KIAA0753: variants seen among roughly 807,000 people sequenced by gnomAD.
The protein encoded by KIAA0753 is KIAA0753, also known as protein moonraker.
In KIAA0753, 114 loss-of-function variants were observed where a neutral mutation model predicts 116.9. The observed-to-expected ratio is 0.98, with a 90% confidence interval of 0.84 to 1.14. The LOEUF (loss-of-function observed/expected upper bound fraction) is 1.14, where lower values mean the gene tolerates loss of function less well. KIAA0753 is among the 50% of genes most tolerant of loss of function. The pLI, the probability that KIAA0753 is intolerant of heterozygous loss-of-function variation, is 0.00. For synonymous variants in KIAA0753, 405 were observed against 413.1 expected (o/e 0.98, Z 0.24); for missense variants, 1,156 against 1,172.4 (o/e 0.99, Z 0.20).
At chr17:6,621,508 G>T (rs896197194) in intron 6 of KIAA0753, among the ~76,000 whole-genome samples, 1 of 152,256 alleles carries the variant, frequency 6.6e-6, no homozygotes, top group South Asian at 2.1e-4. Flanking sequence ...ATCCATTACT[G>T]GGAAGTCAGG....
Position 6,606,859 on chromosome 17 carries a change from A to G in KIAA0753, c.2009+14T>C. ...GCAAACATCCACTATTCTTCCTAAG[A>G]AGCAAACACATACCTCAATTGTTGG... On this transcript the variant is annotated intron_variant, in intron 12 of 18. Transcript: ENST00000361413. 1 of 1,608,700 alleles carries G rather than the reference A, an allele frequency of 6.2e-7. No individual in the cohort carries two copies. Among genetic ancestry groups the G allele is most frequent in the Non-Finnish European group, 8.5e-7 (1 of 1,175,068 alleles).
intron 4 of KIAA0753, 61 bp from the exon 5 acceptor site, chr17:6,623,632 A>G (rs1466334003): frequency 2.2e-5 from 35 of 1,567,376 alleles, no homozygotes; most frequent in Non-Finnish European, 2.8e-5. Flanking sequence ...TTTTGTAGAA[A>G]AGGATGCATC....
At position 6,578,176 on chromosome 17, in the gene KIAA0753, G is replaced by A. The variant is rs1237239322; in HGVS notation, c.*1571C>T. On this transcript the variant is annotated 3_prime_UTR_variant, in exon 19 of 19. Transcript: ENST00000361413. The stretch of plus-strand genomic sequence containing the variant: ...TGCTCAATAAATGTTAGCTTTTATT[G>A]TCACTAATTTTTTTCTCGGGGGGAA... The A allele has an allele frequency of 6.6e-6, 1 of 151,746 alleles. No individual in the cohort carries two copies. The highest frequency in any genetic ancestry group is 6.6e-5 in the Admixed American group (1 of 15,220). The allele number at this position is 151,746 out of a possible 1,614,324, so 9.4% of individuals were successfully genotyped here.
intron 9 of KIAA0753, among the ~76,000 whole-genome samples, chr17:6,608,855 C>T (rs750419343): frequency 1.3e-5 from 2 of 152,210 alleles, no homozygotes; most frequent in Non-Finnish European, 2.9e-5. Flanking sequence ...CACCCACCCT[C>T]CTCTACCCAC....
In KIAA0753 at chr17:6,624,792, G is replaced by T; in HGVS notation, c.788C>A (p.Ala263Asp). ...GACGTAGAGCATTCGGGCAGAGCGA[G>T]CAGCTTGCTCCTGTCTCCTGATACG... ...RIRIRRQEQA[A>D]RSARMLYVLQ... The change falls in exon 4 of 19, where the codon GCT becomes GAT. Residue 263 changes from alanine to aspartate, a missense_variant. Physicochemically the swap from Ala to Asp is moderately radical, Grantham distance 126. Coordinates refer to ENST00000361413, the MANE Select transcript of KIAA0753 (RefSeq NM_014804.3). The T allele has an allele frequency of 6.4e-7, 1 of 1,563,604 alleles. No homozygotes were observed. The highest frequency in any genetic ancestry group is 8.7e-7 in the Non-Finnish European group (1 of 1,151,944).
At chr17:6,632,648 C>A (rs1183426545) in intron 2 of KIAA0753, among the ~76,000 whole-genome samples, 1 of 152,210 alleles carries the variant, frequency 6.6e-6, no homozygotes, top group African/African-American at 2.4e-5. Context: ...AAAAACCAGG[C>A]AGATACCACC....
At chr17:6,623,488 C>T (rs1449480057) in intron 5 of KIAA0753, 21 bp downstream of exon 5, 7 of 1,554,660 alleles carry the variant, frequency 4.5e-6, no homozygotes, top group Non-Finnish European at 5.3e-6. Context: ...AAGTATTGAT[C>T]ATAATTTAAT....
chr17:6,623,497 AT>A lies in KIAA0753; in HGVS notation c.888+11del. 1.3e-6 allele frequency: 2 copies of A among 1,581,094 alleles called. No individual in the cohort carries two copies. The highest frequency in any genetic ancestry group is 1.7e-6 in the Non-Finnish European group (2 of 1,154,602). On this transcript the variant is annotated intron_variant, in intron 5 of 18. Coordinates refer to ENST00000361413, the MANE Select transcript of KIAA0753 (RefSeq NM_014804.3). ...ATAAGCAAGTATTGATCATAATTTA[AT>A]TGCAGCATACCTTCTTAGTGTGTTT...
chr17:6,603,748 C>G (rs888300869), intron 12 of KIAA0753, among the ~76,000 whole-genome samples: 13 of 152,146 alleles, frequency 8.5e-5, no homozygotes, highest in Admixed American at 2.0e-4. Context: ...TAGGCACAGA[C>G]AAAAAATAAG....
intron 18 of KIAA0753, among the ~76,000 whole-genome samples, chr17:6,586,499 T>C (rs1016154021): frequency 6.6e-6 from 1 of 152,236 alleles, no homozygotes; most frequent in Non-Finnish European, 1.5e-5. Context: ...AACTGCTTTA[T>C]GGCTTCCAAA....
chr17:6,604,932 G>A (rs927240287), intron 12 of KIAA0753, among the ~76,000 whole-genome samples: 1 of 151,884 alleles, frequency 6.6e-6, no homozygotes, highest in African/African-American at 2.4e-5. Context: ...AGACTTGAAA[G>A]GTCTGAAAGG....
chr17:6,615,565 A>G (rs1362322923), intron 7 of KIAA0753, among the ~76,000 whole-genome samples: 1 of 138,590 alleles, frequency 7.2e-6, no homozygotes, highest in Non-Finnish European at 1.5e-5. Context: ...CAGTGAGCTG[A>G]GATCATGCCA....
rs746678086 is a variant in KIAA0753 at position 6,624,812 on chromosome 17, G to A, written c.768C>T (p.Ile256=). The stretch of plus-strand genomic sequence containing the variant: ...AGCGAGCAGCTTGCTCCTGTCTCCT[G>A]ATACGGATTCGACGTTCTTCATCTG... ...LDPDEERRIR[I]RRQEQAARSA... Residue 256 remains isoleucine (I), a synonymous_variant, in exon 4 of 19, where the codon ATC becomes ATT. Coordinates refer to ENST00000361413, the MANE Select transcript of KIAA0753 (RefSeq NM_014804.3). 7 of 1,563,852 alleles carry A rather than the reference G, an allele frequency of 4.5e-6. No homozygotes were observed. The highest frequency in any genetic ancestry group is 1.2e-5 in the South Asian group (1 of 85,202).
intron 2 of KIAA0753, among the ~76,000 whole-genome samples, chr17:6,633,337 C>T (rs1972117333): frequency 6.6e-6 from 1 of 152,018 alleles, no homozygotes; most frequent in Non-Finnish European, 1.5e-5. Context: ...CTTTGTACAC[C>T]ACGATAAGAT....
At chr17:6,627,037 T>C (rs1971713462) in intron 3 of KIAA0753, among the ~76,000 whole-genome samples, 1 of 152,200 alleles carries the variant, frequency 6.6e-6, no homozygotes, top group Non-Finnish European at 1.5e-5. Context: ...TTTTGAATTG[T>C]TCATGATATT....
chr17:6,621,219 G>C (rs1971302138), intron 6 of KIAA0753, among the ~76,000 whole-genome samples: 1 of 152,108 alleles, frequency 6.6e-6, no homozygotes, highest in Admixed American at 6.6e-5. Flanking sequence ...AAAGCCAATA[G>C]CAAAGACATA....
chr17:6,623,755 A>G (rs1567579985), intron 4 of KIAA0753, 184 bp from the exon 5 acceptor site: 2 of 733,764 alleles, frequency 2.7e-6, no homozygotes, highest in Non-Finnish European at 4.1e-6. Context: ...CCAGTTCAAG[A>G]TAGTGAATAG....
In KIAA0753 at chr17:6,623,568, T is replaced by C. The variant is rs771879975; in HGVS notation, c.829A>G (p.Lys277Glu). Reference sequence around the variant, plus strand: ...TTATCCAATTCTTCCTGGATTTCTTTTACCTGTTTTGTAAAGGGGAAAAAA... The same window carrying C: ...TTATCCAATTCTTCCTGGATTTCTTCTACCTGTTTTGTAAAGGGGAAAAAA... ...RMLYVLQQQV[K>E]EIQEELDKLS... Residue 277 changes from lysine (K) to glutamate (E), a missense_variant, in exon 5 of 19, where the codon AAA becomes GAA. Physicochemically the swap from Lys to Glu is moderately conservative, Grantham distance 56. Coordinates refer to ENST00000361413, the MANE Select transcript of KIAA0753 (RefSeq NM_014804.3). 3 of 1,610,632 alleles carry C rather than the reference T, an allele frequency of 1.9e-6. No homozygotes were observed. In the Admixed American group the frequency reaches 5.0e-5, roughly 27 times the overall value.
At chr17:6,589,551 G>C (rs1388533490) in intron 18 of KIAA0753, among the ~76,000 whole-genome samples, 2 of 147,580 alleles carry the variant, frequency 1.4e-5, no homozygotes, top group Non-Finnish European at 3.0e-5. Context: ...CCTCTGCCTA[G>C]AAAAAGAAGG....
Sources: allele counts gnomAD v4.1 joint callset (sites outside exome capture counted in the v4.1 genomes callset), GRCh38; gene constraint gnomAD v4.1.1; transcripts MANE v1.5; gene names NCBI Gene and HGNC (gene_info 2026-07-23, HGNC 2026-07-21).